The following ZNF277 variants were observed in gnomAD, a reference collection of about 807,000 sequenced individuals.
The protein encoded by ZNF277 is nuclear receptor-interacting factor 4.
ZNF277 carries 55 observed loss-of-function variants against 60.7 expected under a neutral mutation model. The observed-to-expected ratio is 0.91, with a 90% CI of 0.73 to 1.13. ZNF277 has a LOEUF of 1.13. ZNF277 is among the 50% of genes most tolerant of loss of function. The pLI, the probability that ZNF277 is intolerant of heterozygous loss-of-function variation, is 0.00. For missense variants in ZNF277, 510 were observed against 523.0 expected, an observed-to-expected ratio of 0.98 and a Z score of 0.24; for synonymous variants, 178 against 179.3, an observed-to-expected ratio of 0.99 and a Z score of 0.06.
intron 1 of ZNF277, among the ~76,000 whole-genome samples, chr7:112,214,542 T>G (rs1369303064): frequency 1.3e-5 from 2 of 152,194 alleles, no homozygotes; most frequent in Admixed American, 6.5e-5. Flanking sequence ...CTGATCAGTC[T>G]TCTGTTTTTC....
chr7:112,288,191 T>A (rs1363191729), intron 2 of ZNF277: 1 of 152,206 alleles, frequency 6.6e-6, no homozygotes, highest in African/African-American at 2.4e-5. Context: ...ATTCCTTTTT[T>A]CCCAATTTAT....
intron 1 of ZNF277, among the ~76,000 whole-genome samples, chr7:112,264,295 C>A (rs1587130091): frequency 6.6e-6 from 1 of 152,074 alleles, no homozygotes; most frequent in East Asian, 1.9e-4. Flanking sequence ...CCCAAACTTT[C>A]TTTAGCCACA....
chr7:112,328,236 T>C (rs1021103856), intron 6 of ZNF277: 3 of 156,140 alleles, frequency 1.9e-5, no homozygotes, highest in African/African-American at 4.8e-5. Flanking sequence ...TGTCTACATA[T>C]TCAATAAGGT....
At chr7:112,275,062 A>C (rs1791761821) in intron 1 of ZNF277, among the ~76,000 whole-genome samples, 1 of 152,218 alleles carries the variant, frequency 6.6e-6, no homozygotes, top group African/African-American at 2.4e-5. Flanking sequence ...TATTCTGGTT[A>C]ATTAGATTTA....
rs376364850 is a variant in ZNF277, at chr7:112,341,050, C to G, written c.1184+4C>G. ...GAAAGACGTGGGATCAACTGGAGTA[C>G]GTACTGCAAAACCAAATGTGCACTT... On this transcript the variant is annotated splice_donor_region_variant and intron_variant, in intron 11 of 11. Coordinates refer to ENST00000361822, the MANE Select transcript of ZNF277 (RefSeq NM_021994.3). 6.3e-7 allele frequency: 1 copy of G among 1,575,642 alleles called. No homozygotes were observed. The highest frequency in any genetic ancestry group is 1.2e-5 in the South Asian group (1 of 82,196).
chr7:112,307,903 T>A (rs1023179450), intron 4 of ZNF277, among the ~76,000 whole-genome samples: 2 of 151,918 alleles, frequency 1.3e-5, no homozygotes, highest in Non-Finnish European at 2.9e-5. Context: ...TATGTCCAAA[T>A]ACATATATAT....
chr7:112,224,214 G>C (rs1822112368), intron 1 of ZNF277, among the ~76,000 whole-genome samples: 1 of 152,146 alleles, frequency 6.6e-6, no homozygotes, highest in Non-Finnish European at 1.5e-5. Context: ...CCTATCTTTT[G>C]GCTTCCCTGG....
At chr7:112,212,843 T>C (rs1029294584) in intron 1 of ZNF277, among the ~76,000 whole-genome samples, 5 of 152,160 alleles carry the variant, frequency 3.3e-5, no homozygotes, top group Admixed American at 1.3e-4. Context: ...TTCTATACAG[T>C]GCTACTCTAC....
chr7:112,274,817 A>C (rs1791756406), intron 1 of ZNF277, among the ~76,000 whole-genome samples: 1 of 152,204 alleles, frequency 6.6e-6, no homozygotes, highest in Non-Finnish European at 1.5e-5. Context: ...TGTACTGTGA[A>C]ATTTCCATTG....
chr7:112,326,130 A>G (rs1793088558), intron 5 of ZNF277, among the ~76,000 whole-genome samples: 2 of 152,076 alleles, frequency 1.3e-5, no homozygotes. Flanking sequence ...TTGATCCTAG[A>G]TAGACTGAGG....
At chr7:112,211,097 G>T (rs1028732619) in intron 1 of ZNF277, among the ~76,000 whole-genome samples, 1 of 152,140 alleles carries the variant, frequency 6.6e-6, no homozygotes, top group Non-Finnish European at 1.5e-5. Context: ...TTGGATTCTG[G>T]ACCTTATTAT....
intron 1 of ZNF277, among the ~76,000 whole-genome samples, chr7:112,277,029 G>A (rs1791813446): frequency 1.4e-5 from 2 of 147,990 alleles, no homozygotes; most frequent in African/African-American, 5.0e-5. Context: ...CAGGATACAT[G>A]ATTTTTAAAT....
At chr7:112,323,532 C>T (rs1056689289) in intron 5 of ZNF277, among the ~76,000 whole-genome samples, 2 of 152,250 alleles carry the variant, frequency 1.3e-5, no homozygotes, top group South Asian at 4.1e-4. Context: ...TGTATTCTGC[C>T]CCTTCCAGTG....
At chr7:112,231,353 A>G (rs1004655593) in intron 1 of ZNF277, among the ~76,000 whole-genome samples, 2 of 152,226 alleles carry the variant, frequency 1.3e-5, no homozygotes, top group African/African-American at 4.8e-5. Context: ...CTGGTTTGTC[A>G]CTATAATTTT....
intron 7 of ZNF277, chr7:112,330,460 CAA>C (rs774106936): frequency 0.016 from 5,312 of 329,816 alleles, no homozygotes; most frequent in South Asian, 0.022. Flanking sequence ...TCATCTTGAC[CAA>C]AAAAAAAAAA....
chr7:112,246,191 C>T (rs768249661), intron 1 of ZNF277, among the ~76,000 whole-genome samples: 5 of 151,794 alleles, frequency 3.3e-5, no homozygotes, highest in Non-Finnish European at 5.9e-5. Flanking sequence ...TGAGACCAGC[C>T]CGGGCAACAT....
At chr7:112,206,908 G>T in intron 1 of ZNF277, 101 bp downstream of exon 1, 8 of 1,162,134 alleles carry the variant, frequency 6.9e-6, no homozygotes, top group Non-Finnish European at 8.3e-6. Context: ...CTTCAGCTCT[G>T]GGGCCACCTG....
At chr7:112,326,339 A>G (rs182219367) in intron 5 of ZNF277, among the ~76,000 whole-genome samples, 287 of 151,910 alleles carry the variant, frequency 1.9e-3, no homozygotes, top group Non-Finnish European at 2.8e-3. Context: ...GATAGGGGGA[A>G]CTTTCTTACC....
chr7:112,256,072 T>C (rs1334146616), intron 1 of ZNF277, among the ~76,000 whole-genome samples: 1 of 152,206 alleles, frequency 6.6e-6, no homozygotes, highest in African/African-American at 2.4e-5. Flanking sequence ...TCTAGTCCTC[T>C]CTCCTAGCTT....
Sources: allele counts gnomAD v4.1 joint callset (sites outside exome capture counted in the v4.1 genomes callset), GRCh38; gene constraint gnomAD v4.1.1; transcripts MANE v1.5; gene names NCBI Gene and HGNC (gene_info 2026-07-23, HGNC 2026-07-21).